Variants in SEZ6 observed in about 807,000 individuals in gnomAD.
The protein encoded by SEZ6 is seizure protein 6 homolog.
In SEZ6, 53 loss-of-function variants were observed where a neutral mutation model predicts 101.0. The ratio of observed to expected loss-of-function variants is 0.52; its 90% CI spans 0.42 to 0.66. The LOEUF (loss-of-function observed/expected upper bound fraction) is 0.66. Among genes scored for constraint, SEZ6 ranks in the 30% least tolerant of loss-of-function variants. The pLI, the probability that SEZ6 is intolerant of heterozygous loss-of-function variation, is 0.00. For missense variants in SEZ6, 1,102 were observed against 1,289.4 expected (o/e 0.85, Z 2.23); for synonymous variants, 488 against 512.2 (o/e 0.95, Z 0.64).
At chr17:28,961,555 G>C (rs1834160202) in intron 5 of SEZ6, among the ~76,000 whole-genome samples, 1 of 152,200 alleles carries the variant, frequency 6.6e-6, no homozygotes. Context: ...GCAAACACCT[G>C]ATGTGCATGC....
At chr17:28,986,203 CCATT>C (rs2041380725) in intron 1 of SEZ6, among the ~76,000 whole-genome samples, 1 of 152,258 alleles carries the variant, frequency 6.6e-6, no homozygotes. Flanking sequence ...CACTAATGAG[CCATT>C]CAGGATGCCT....
Position 29,005,107 on chromosome 17 carries a change from G to T in SEZ6, c.55+708C>A, listed in dbSNP as rs113107292. 2.6e-4 allele frequency among the ~76,000 whole-genome samples: 38 copies of T among 145,806 alleles called. No homozygotes were observed. The highest frequency in any genetic ancestry group is 1.0e-3 in the African/African-American group (37 of 35,826). On this transcript the variant is annotated intron_variant, in intron 1 of 16. Coordinates refer to ENST00000317338, the MANE Select transcript of SEZ6 (RefSeq NM_178860.5). This position sits in a 1 kb window ranked among gnomAD's most constrained non-coding sequence, Gnocchi z 4.8. The stretch of plus-strand genomic sequence containing the variant: ...TGTGTGTGTGTGTGTGTGTGTGTGT[G>T]TGTGTGTGTGTACAAGGAAAGGACT...
At chr17:28,966,814 T>A (rs867537948) in intron 4 of SEZ6, among the ~76,000 whole-genome samples, 1 of 152,120 alleles carries the variant, frequency 6.6e-6, no homozygotes, top group South Asian at 2.1e-4. Context: ...GTCCAGAAAT[T>A]TGAGTTTTAT....
intron 3 of SEZ6, among the ~76,000 whole-genome samples, chr17:28,976,670 G>T (rs1052501196): frequency 6.6e-6 from 1 of 152,182 alleles, no homozygotes; most frequent in African/African-American, 2.4e-5. Context: ...CTGGGCAGAA[G>T]GACGCTGCTC....
Position 28,959,660 on chromosome 17 carries a change from CT to C in SEZ6, c.1771+37del. 1 of 1,550,436 alleles carries C rather than the reference CT, an allele frequency of 6.4e-7. No individual in the cohort carries two copies. The highest frequency in any genetic ancestry group is 8.7e-7 in the Non-Finnish European group (1 of 1,148,124). On this transcript the variant is annotated intron_variant, in intron 8 of 16. Coordinates refer to ENST00000317338, the MANE Select transcript of SEZ6 (RefSeq NM_178860.5). The surrounding 1 kb of genome is among the most constrained non-coding windows in gnomAD (Gnocchi z 4.4). ...TGCTATTCTCCTGGTATGACCCTGC[CT>C]TTTGCCCGGTAGGCCCATCCACTGG...
intron 1 of SEZ6, among the ~76,000 whole-genome samples, chr17:29,004,402 C>A (rs181003944): frequency 7.2e-5 from 11 of 152,296 alleles, no homozygotes; most frequent in Admixed American, 5.9e-4. Context: ...CAGGACTCTT[C>A]CCCTCTCCCC....
At chr17:28,966,213 G>A (rs190437084) in intron 4 of SEZ6, among the ~76,000 whole-genome samples, 1 of 150,986 alleles carries the variant, frequency 6.6e-6, no homozygotes, top group Non-Finnish European at 1.5e-5. Context: ...GGGCACGGTG[G>A]CTCACACCTG....
Position 28,964,265 on chromosome 17 carries a change from A to G in SEZ6, c.1055-118T>C, listed in dbSNP as rs2041029586. The G allele has an allele frequency of 8.5e-6, 9 of 1,058,096 alleles. No individual in the cohort carries two copies. The South Asian group carries it at 1.4e-4, about 17-fold the overall frequency. The allele number at this position is 1,058,096 out of a possible 1,614,324, so 65.5% of individuals were successfully genotyped here. A position where few individuals can be genotyped will look rare whatever the true frequency, so the allele number is the denominator to read the frequency against. The stretch of plus-strand genomic sequence containing the variant: ...GGAGGTGTCATTTGGGGCCAGAGGA[A>G]GCACTAGGAGTTCCAAAACAACTCC... On this transcript the variant is annotated intron_variant, in intron 4 of 16. Coordinates refer to ENST00000317338, the MANE Select transcript of SEZ6 (RefSeq NM_178860.5).
In SEZ6 at chr17:28,959,927, G is replaced by A; in HGVS notation, c.1577-35C>T. 1 of 1,574,168 alleles carries A rather than the reference G, an allele frequency of 6.4e-7. No homozygotes were observed. Among genetic ancestry groups the A allele is most frequent in the Non-Finnish European group, 8.6e-7 (1 of 1,159,876 alleles). On this transcript the variant is annotated intron_variant, in intron 7 of 16. Coordinates refer to ENST00000317338, the MANE Select transcript of SEZ6 (RefSeq NM_178860.5). The surrounding 1 kb of genome is among the most constrained non-coding windows in gnomAD (Gnocchi z 4.4). The stretch of plus-strand genomic sequence containing the variant: ...ACAGGTCCCAGCCCAGCTCAGCCTT[G>A]ACTGGTATTAAACACAGTGGGCAAG...
At chr17:28,995,499 G>A (rs1455586143) in intron 1 of SEZ6, among the ~76,000 whole-genome samples, 1 of 152,152 alleles carries the variant, frequency 6.6e-6, no homozygotes, top group East Asian at 1.9e-4. Flanking sequence ...TCTCCATCCC[G>A]CAGGTGGAGA....
chr17:28,966,200 G>C (rs187101458), intron 4 of SEZ6, among the ~76,000 whole-genome samples: 1 of 150,410 alleles, frequency 6.6e-6, no homozygotes, highest in East Asian at 2.0e-4. Context: ...TGAAGATCCA[G>C]CTGGGCACGG....
At chr17:28,987,575 G>A (rs1041642442) in intron 1 of SEZ6, among the ~76,000 whole-genome samples, 2 of 152,156 alleles carry the variant, frequency 1.3e-5, no homozygotes, top group African/African-American at 4.8e-5. Flanking sequence ...GGAAAGCAAG[G>A]CCCTGAGCAG....
chr17:28,957,489 A>G lies in SEZ6; in HGVS notation c.2353T>C (p.Ser785Pro), dbSNP rs1185376348. ...GCCCCCACGGGAAACTTGGGGCTGG[A>G]TATGAGGCGTCGGCTGTGCTCCACA... ...GDVEHSRRLI[S>P]SPKFPVGATV... is the part of the protein sequence containing the mutation. Residue 785 changes from serine to proline, a missense_variant, in exon 12 of 17, where the codon TCC becomes CCC. Physicochemically the swap from Ser to Pro is moderately conservative, Grantham distance 74. Around this residue, in one of 3 missense-constraint regions of SEZ6, gnomAD observed 556 missense variants for 735.1 expected, o/e 0.76. Transcript: ENST00000317338. 2.5e-6 allele frequency: 4 copies of G among 1,613,910 alleles called. No homozygotes were observed. The South Asian group carries it at 4.4e-5, about 18-fold the overall frequency.
In SEZ6 at chr17:28,981,837, C is replaced by T; in HGVS notation, c.258G>A (p.Glu86=). 1 of 1,613,930 alleles carries T rather than the reference C, an allele frequency of 6.2e-7. No homozygotes were observed. ...GGAAGGGCAGTGCTGGCCTCAGCTC[C>T]TCATCTCCCTTTTCCAGCCCCTCTT... ...FLQEGLEKGD[E]ELRPALPFQP... Residue 86 remains glutamate (E), a synonymous_variant, in exon 2 of 17, where the codon GAG becomes GAA. Transcript: ENST00000317338.
intron 2 of SEZ6, among the ~76,000 whole-genome samples, chr17:28,980,609 C>T (rs2041286959): frequency 6.6e-6 from 1 of 152,066 alleles, no homozygotes; most frequent in Admixed American, 6.6e-5. Flanking sequence ...TGACCTCGTT[C>T]CACACGCCTC....
intron 1 of SEZ6, among the ~76,000 whole-genome samples, chr17:29,000,286 G>A (rs1027086443): frequency 6.6e-6 from 1 of 152,230 alleles, no homozygotes; most frequent in Non-Finnish European, 1.5e-5. Context: ...GAAATGGGCA[G>A]ACACTTTGGA....
chr17:28,966,917 A>G (rs1375689422), intron 4 of SEZ6, among the ~76,000 whole-genome samples: 2 of 152,188 alleles, frequency 1.3e-5, no homozygotes, highest in African/African-American at 4.8e-5. Flanking sequence ...AATGGTCGGT[A>G]AGTGGCTAGT....
At chr17:28,976,179 G>A (rs1166066438) in intron 3 of SEZ6, among the ~76,000 whole-genome samples, 1 of 152,234 alleles carries the variant, frequency 6.6e-6, no homozygotes, top group Non-Finnish European at 1.5e-5. Flanking sequence ...ATCAATAACT[G>A]CAGCACCATC....
chr17:28,959,140 C>T lies in SEZ6; in HGVS notation c.1992G>A (p.Gly664=). Residue 664 remains glycine, a synonymous_variant, in exon 10 of 17, where the codon GGG becomes GGA. Coordinates refer to ENST00000317338, the MANE Select transcript of SEZ6 (RefSeq NM_178860.5). This position sits in a 1 kb window ranked among gnomAD's most constrained non-coding sequence, Gnocchi z 4.4. Reference sequence around the variant, plus strand: ...TAAAGAGCTTGAAGTGGCTACGGGGCCCTGAGTACTGGCCCAGAACCCGGG... The same window carrying T: ...TAAAGAGCTTGAAGTGGCTACGGGGTCCTGAGTACTGGCCCAGAACCCGGG... ...LTARVLGQYS[G]PRSHFKLFTS... 1 of 1,613,858 alleles carries T rather than the reference C, an allele frequency of 6.2e-7. No individual in the cohort carries two copies. The highest frequency in any genetic ancestry group is 1.1e-5 in the South Asian group (1 of 91,064).
Sources: gnomAD v4.1 joint callset for allele counts (sites outside exome capture counted in the v4.1 genomes callset) on GRCh38, gnomAD v4.1.1 for gene constraint, gnomAD v4.1.1 regional missense constraint, Gnocchi (gnomAD v3.1) non-coding constraint, MANE v1.5 for transcripts, NCBI Gene and HGNC (gene_info 2026-07-23, HGNC 2026-07-21) for gene names.